Variants in CRHR1 observed in about 807,000 individuals in gnomAD.
The protein encoded by CRHR1 is corticotropin-releasing hormone receptor 1.
In CRHR1, 28 loss-of-function variants were observed where a neutral mutation model predicts 56.0. The observed-to-expected ratio is 0.50, with a 90% CI of 0.37 to 0.69. The LOEUF (loss-of-function observed/expected upper bound fraction) is 0.69, where lower values mean the gene tolerates loss of function less well. Ranked by LOEUF, CRHR1 falls within the 30% of genes least tolerant of loss-of-function variation. The probability of loss-of-function intolerance (pLI) is 0.00; values close to 1 mark genes in which losing one functional copy is unlikely to be tolerated. For missense variants in CRHR1, 376 were observed against 548.0 expected (o/e 0.69, Z 3.13); for synonymous variants, 195 against 216.5 (o/e 0.90, Z 0.87).
At chr17:45,799,203 G>T (rs2146285659) in intron 1 of CRHR1, among the ~76,000 whole-genome samples, 1 of 152,324 alleles carries the variant, frequency 6.6e-6, no homozygotes, top group South Asian at 2.1e-4. Context: ...CATCTTGCAA[G>T]TCTATCCCCC....
Position 45,784,511 on chromosome 17 carries a change from G to A in CRHR1, c.-34G>A, listed in dbSNP as rs1490078160. On this transcript the variant is annotated 5_prime_UTR_variant, in exon 1 of 13. Transcript: ENST00000314537. The surrounding 1 kb of genome is among the most constrained non-coding windows in gnomAD (Gnocchi z 4.2). ...TCCCTCTGGGATGTCCGTAGGACCC[G>A]GGCATTCAGGACGGTAGCCGAGCGA... 1.3e-6 allele frequency: 2 copies of A among 1,532,818 alleles called. No individual in the cohort carries two copies. Among genetic ancestry groups the A allele is most frequent in the South Asian group, 1.2e-5 (1 of 82,684 alleles). The allele number at this position is 1,532,818 out of a possible 1,614,324, so 95.0% of individuals were successfully genotyped here.
chr17:45,834,176 G>A, intron 12 of CRHR1, 128 bp downstream of exon 12: 1 of 1,186,196 alleles, frequency 8.4e-7, no homozygotes, highest in Non-Finnish European at 1.2e-6. Flanking sequence ...GTCCCTAGGG[G>A]TATGCTGCTG....
intron 1 of CRHR1, among the ~76,000 whole-genome samples, chr17:45,798,471 A>C (rs2061560002): frequency 6.7e-6 from 1 of 150,178 alleles, no homozygotes; most frequent in Non-Finnish European, 1.5e-5. Context: ...GGTTGCAGTG[A>C]GCCAAGATCG....
chr17:45,797,573 C>T (rs577461896), intron 1 of CRHR1, among the ~76,000 whole-genome samples: 6 of 152,172 alleles, frequency 3.9e-5, no homozygotes, highest in South Asian at 2.1e-4. Flanking sequence ...CCACCACGCC[C>T]GGCCCCATGC....
chr17:45,832,881 T>A lies in CRHR1; in HGVS notation c.771-257T>A, dbSNP rs564949506. Reference sequence around the variant, plus strand: ...TGCCCGTTCCCAGCCACTCAGTCTTTCCCACTGTCTACCTCCTGCCCCGGT... The same window carrying A: ...TGCCCGTTCCCAGCCACTCAGTCTTACCCACTGTCTACCTCCTGCCCCGGT... On this transcript the variant is annotated intron_variant, in intron 8 of 12. Coordinates refer to ENST00000314537, the MANE Select transcript of CRHR1 (RefSeq NM_004382.5). Among the ~76,000 whole-genome samples, 3 of 152,362 alleles carry A rather than the reference T, an allele frequency of 2.0e-5. No homozygotes were observed. The South Asian group carries it at 6.2e-4, about 32-fold the overall frequency.
At chr17:45,798,807 C>T (rs2061568828) in intron 1 of CRHR1, among the ~76,000 whole-genome samples, 1 of 152,222 alleles carries the variant, frequency 6.6e-6, no homozygotes, top group Non-Finnish European at 1.5e-5. Context: ...GGGGAACACC[C>T]AGGCTTCCCC....
At chr17:45,831,531 T>C (rs1460045581) in intron 8 of CRHR1, among the ~76,000 whole-genome samples, 3 of 152,220 alleles carry the variant, frequency 2.0e-5, no homozygotes, top group Non-Finnish European at 4.4e-5. Flanking sequence ...TGATTTCTGC[T>C]GCAGTGGAGC....
intron 5 of CRHR1, chr17:45,829,641 T>C (rs1598445237): frequency 1.3e-6 from 2 of 1,550,056 alleles, no homozygotes; most frequent in Non-Finnish European, 8.7e-7. Flanking sequence ...CCATTTCAGG[T>C]TCGAAGGTAC....
intron 2 of CRHR1, among the ~76,000 whole-genome samples, chr17:45,812,005 C>T (rs969999163): frequency 1.3e-5 from 2 of 152,154 alleles, no homozygotes; most frequent in African/African-American, 4.8e-5. Flanking sequence ...ATCCATGGGG[C>T]ACTGGTTCCA....
At chr17:45,832,236 A>G (rs995322382) in intron 8 of CRHR1, among the ~76,000 whole-genome samples, 6 of 152,166 alleles carry the variant, frequency 3.9e-5, no homozygotes, top group African/African-American at 1.4e-4. Context: ...CATGAGTCTC[A>G]AAAAACAAAG....
chr17:45,784,706 G>A lies in CRHR1; in HGVS notation c.33+129G>A, dbSNP rs2061299350. 2.1e-6 allele frequency: 2 copies of A among 953,202 alleles called. No individual in the cohort carries two copies. Among genetic ancestry groups the A allele is most frequent in the Non-Finnish European group, 2.9e-6 (2 of 692,422 alleles). The allele number at this position is 953,202 out of a possible 1,614,324, so 59.0% of individuals were successfully genotyped here. A position where few individuals can be genotyped will look rare whatever the true frequency, so the allele number is the denominator to read the frequency against. Reference sequence around the variant, plus strand: ...AGCCGTGCTTAGGTCGGGGAAGGCTGGGCTCCGGGGCAGCCTAACTCTCTG... The same window carrying A: ...AGCCGTGCTTAGGTCGGGGAAGGCTAGGCTCCGGGGCAGCCTAACTCTCTG... On this transcript the variant is annotated intron_variant, in intron 1 of 12. Coordinates refer to ENST00000314537, the MANE Select transcript of CRHR1 (RefSeq NM_004382.5). The surrounding 1 kb of genome is among the most constrained non-coding windows in gnomAD (Gnocchi z 4.2).
chr17:45,806,582 C>T (rs555638557), intron 1 of CRHR1, among the ~76,000 whole-genome samples: 2 of 125,464 alleles, frequency 1.6e-5, no homozygotes, highest in Admixed American at 7.7e-5. Flanking sequence ...GGGATGTCAG[C>T]GGCCATGGTG....
chr17:45,784,650 G>C lies in CRHR1; in HGVS notation c.33+73G>C, dbSNP rs1303026400. Reference sequence around the variant, plus strand: ...GGCGGACGCGGGACGGGGCTGGGCTGTGGGTGTGATGGGGGCGGGGGCGCT... The same window carrying C: ...GGCGGACGCGGGACGGGGCTGGGCTCTGGGTGTGATGGGGGCGGGGGCGCT... On this transcript the variant is annotated intron_variant, in intron 1 of 12. Transcript: ENST00000314537. The surrounding 1 kb of genome is among the most constrained non-coding windows in gnomAD (Gnocchi z 4.2). 1.4e-6 allele frequency: 2 copies of C among 1,450,726 alleles called. No homozygotes were observed. The highest frequency in any genetic ancestry group is 1.5e-5 in the African/African-American group (1 of 68,056). 89.9% of individuals were successfully genotyped at this position (1,450,726 alleles called of 1,614,324 possible).
intron 3 of CRHR1, among the ~76,000 whole-genome samples, chr17:45,819,207 C>T (rs2061988317): frequency 6.6e-6 from 1 of 152,210 alleles, no homozygotes; most frequent in Non-Finnish European, 1.5e-5. Flanking sequence ...ACATCACATC[C>T]CAGGTACAGT....
chr17:45,824,410 C>T (rs905154748), intron 4 of CRHR1, among the ~76,000 whole-genome samples: 8 of 152,192 alleles, frequency 5.3e-5, no homozygotes, highest in South Asian at 2.1e-4. Context: ...AGGGTCAGCG[C>T]GGGGTCTTCG....
chr17:45,804,883 C>T (rs1246845325), intron 1 of CRHR1, among the ~76,000 whole-genome samples: 3 of 151,554 alleles, frequency 2.0e-5, no homozygotes, highest in Non-Finnish European at 2.9e-5. Flanking sequence ...GGCGTGATCT[C>T]GGCTCACTAC....
At chr17:45,828,897 C>T (rs1466197250) in intron 4 of CRHR1, among the ~76,000 whole-genome samples, 1 of 152,124 alleles carries the variant, frequency 6.6e-6, no homozygotes, top group Admixed American at 6.5e-5. Flanking sequence ...AGTGTGAGGG[C>T]GCACCTGTGA....
intron 1 of CRHR1, among the ~76,000 whole-genome samples, chr17:45,797,281 T>TTC (rs1487888055): frequency 8.9e-5 from 13 of 146,428 alleles, no homozygotes; most frequent in African/African-American, 2.9e-4. Context: ...TTTTCTTTCT[T>TTC]TCTTTTTTTT....
Position 45,784,636 on chromosome 17 carries a change from G to A in CRHR1, c.33+59G>A, listed in dbSNP as rs959406729. 53 of 1,513,978 alleles carry A rather than the reference G, an allele frequency of 3.5e-5. No individual in the cohort carries two copies. Among genetic ancestry groups the A allele is most frequent in the Non-Finnish European group, 4.3e-5 (49 of 1,128,018 alleles). The allele number at this position is 1,513,978 out of a possible 1,614,324, so 93.8% of individuals were successfully genotyped here. A position where few individuals can be genotyped will look rare whatever the true frequency, so the allele number is the denominator to read the frequency against. On this transcript the variant is annotated intron_variant, in intron 1 of 12. Coordinates refer to ENST00000314537, the MANE Select transcript of CRHR1 (RefSeq NM_004382.5). This position sits in a 1 kb window ranked among gnomAD's most constrained non-coding sequence, Gnocchi z 4.2. ...CGCCCCCGGCCCCTGGCGGACGCGG[G>A]ACGGGGCTGGGCTGTGGGTGTGATG...
Sources: gnomAD v4.1 joint callset for allele counts (sites outside exome capture counted in the v4.1 genomes callset) on GRCh38, gnomAD v4.1.1 for gene constraint, Gnocchi (gnomAD v3.1) non-coding constraint, MANE v1.5 for transcripts, NCBI Gene and HGNC (gene_info 2026-07-23, HGNC 2026-07-21) for gene names.